ADIPOR2: variants seen among roughly 807,000 people sequenced by gnomAD.
The protein encoded by ADIPOR2 is adiponectin receptor 2, also known as adiponectin receptor protein 2.
ADIPOR2 carries 18 observed loss-of-function variants against 40.9 expected under a neutral mutation model. That is an observed-to-expected ratio of 0.44 (90% CI 0.30 to 0.65). ADIPOR2 has a LOEUF of 0.65. ADIPOR2 is among the 30% of genes least tolerant of loss of function. The pLI, the probability that ADIPOR2 is intolerant of heterozygous loss-of-function variation, is 0.09. For synonymous variants in ADIPOR2, 165 were observed against 166.4 expected (o/e 0.99, Z 0.06); for missense variants, 283 against 479.2 (o/e 0.59, Z 3.82).
chr12:1,742,022 A>G (rs2094743865), intron 1 of ADIPOR2, among the ~76,000 whole-genome samples: 2 of 152,160 alleles, frequency 1.3e-5, no homozygotes, highest in East Asian at 1.9e-4. Flanking sequence ...AAAAAAAGAC[A>G]AAATCTTATG....
At chr12:1,761,250 T>C (rs1289294803) in intron 2 of ADIPOR2, among the ~76,000 whole-genome samples, 1 of 152,184 alleles carries the variant, frequency 6.6e-6, no homozygotes, top group Non-Finnish European at 1.5e-5. Flanking sequence ...TGTACTATAG[T>C]TTATCCAATA....
In ADIPOR2 at chr12:1,691,364, C is replaced by T. The variant is rs539335300; in HGVS notation, c.-87+173C>T. 7.2e-5 allele frequency among the ~76,000 whole-genome samples: 11 copies of T among 152,296 alleles called. No individual in the cohort carries two copies. The East Asian group carries it at 7.7e-4, about 11-fold the overall frequency. The stretch of plus-strand genomic sequence containing the variant: ...CCGCAACTTGATTCCTAACTCTGAC[C>T]TGCCGCCCGGCGCGCCTTGGCCTGA... On this transcript the variant is annotated intron_variant, in intron 1 of 7. Transcript: ENST00000357103.
chr12:1,780,032 AG>A (rs1565659047), intron 4 of ADIPOR2: 1 of 154,222 alleles, frequency 6.5e-6, no homozygotes, highest in Non-Finnish European at 1.4e-5. Context: ...GGCAGGGTTT[AG>A]GGGTATTGGA....
intron 1 of ADIPOR2, among the ~76,000 whole-genome samples, chr12:1,741,425 T>C (rs1257568020): frequency 1.3e-5 from 2 of 152,174 alleles, no homozygotes; most frequent in African/African-American, 4.8e-5. Flanking sequence ...TACTAATGGA[T>C]TAAGTATGGG....
intron 1 of ADIPOR2, among the ~76,000 whole-genome samples, chr12:1,725,029 G>A (rs554054134): frequency 5.1e-4 from 78 of 152,124 alleles, no homozygotes; most frequent in African/African-American, 1.8e-3. Context: ...ATGAAAGAGG[G>A]GCTATACACA....
At position 1,787,287 on chromosome 12, in the gene ADIPOR2, G is replaced by T. The variant is rs1046672959; in HGVS notation, c.*1215G>T. ...ATTGGTAGACCCTTCCTTTGGATTA[G>T]GAAAGATGAGTTTTACCTCTGGTAC... On this transcript the variant is annotated 3_prime_UTR_variant, in exon 8 of 8. Coordinates refer to ENST00000357103, the MANE Select transcript of ADIPOR2 (RefSeq NM_024551.3). The T allele has an allele frequency of 6.6e-6, 1 of 152,168 alleles. No individual in the cohort carries two copies. Among genetic ancestry groups the T allele is most frequent in the Non-Finnish European group, 1.5e-5 (1 of 68,038 alleles). 9.4% of individuals were successfully genotyped at this position (152,168 alleles called of 1,614,324 possible).
In ADIPOR2 at chr12:1,706,307, A is replaced by G. The variant is rs117963645; in HGVS notation, c.-87+15116A>G. On this transcript the variant is annotated intron_variant, in intron 1 of 7. Transcript: ENST00000357103. Reference sequence around the variant, plus strand: ...TATAAAAGCTCACTTTATCTGGCACATGGTAACATGGTAACTTCTATTAAT... The same window carrying G: ...TATAAAAGCTCACTTTATCTGGCACGTGGTAACATGGTAACTTCTATTAAT... Among the ~76,000 whole-genome samples the G allele has an allele frequency of 1.1e-3, 164 of 152,364 alleles. 2 individuals carry two copies. The East Asian group carries it at 0.025, about 23-fold the overall frequency.
intron 2 of ADIPOR2, among the ~76,000 whole-genome samples, chr12:1,762,213 A>T (rs1022170509): frequency 6.6e-6 from 1 of 152,096 alleles, no homozygotes; most frequent in African/African-American, 2.4e-5. Flanking sequence ...ACTTCATTCT[A>T]TTTCAAGTTT....
At chr12:1,714,943 CAGAG>C (rs1004375173) in intron 1 of ADIPOR2, among the ~76,000 whole-genome samples, 1 of 151,622 alleles carries the variant, frequency 6.6e-6, no homozygotes, top group Non-Finnish European at 1.5e-5. Flanking sequence ...TGCTTTAAAT[CAGAG>C]AGAGAGAGAA....
intron 1 of ADIPOR2, among the ~76,000 whole-genome samples, chr12:1,727,453 C>G (rs2094710118): frequency 6.6e-6 from 1 of 152,168 alleles, no homozygotes; most frequent in Non-Finnish European, 1.5e-5. Flanking sequence ...TAATCATTCA[C>G]TCATTGCATG....
intron 1 of ADIPOR2, among the ~76,000 whole-genome samples, chr12:1,741,901 G>A (rs1180643756): frequency 6.6e-6 from 1 of 151,900 alleles, no homozygotes; most frequent in Admixed American, 6.6e-5. Flanking sequence ...AATAATGTTA[G>A]CTAAAGATGA....
intron 1 of ADIPOR2, among the ~76,000 whole-genome samples, chr12:1,717,900 A>T (rs758019486): frequency 6.6e-6 from 1 of 152,158 alleles, no homozygotes; most frequent in Non-Finnish European, 1.5e-5. Context: ...CAGAATAAAC[A>T]TATAATAAGT....
chr12:1,702,745 A>G (rs562959829), intron 1 of ADIPOR2: 16 of 152,276 alleles, frequency 1.1e-4, no homozygotes, highest in African/African-American at 3.6e-4. Context: ...TTAACTTTAT[A>G]TGGTTTGTTT....
intron 2 of ADIPOR2, chr12:1,757,241 C>T (rs1592615989): frequency 1.8e-6 from 1 of 556,186 alleles, no homozygotes; most frequent in Non-Finnish European, 3.3e-6. Context: ...TCACCCACTG[C>T]TCTGTTTGGT....
intron 2 of ADIPOR2, among the ~76,000 whole-genome samples, chr12:1,769,296 T>C (rs1862448848): frequency 1.3e-5 from 2 of 152,308 alleles, no homozygotes; most frequent in South Asian, 4.1e-4. Context: ...TAGCCAGTGT[T>C]TAACTCTGCC....
chr12:1,754,683 A>G (rs1422674989), intron 2 of ADIPOR2, among the ~76,000 whole-genome samples, 169 bp downstream of exon 2: 1 of 114,338 alleles, frequency 8.7e-6, no homozygotes, highest in Non-Finnish European at 1.8e-5. Flanking sequence ...GAAGTCTCTT[A>G]TCTTTATTAT....
chr12:1,728,488 C>T (rs997804078), intron 1 of ADIPOR2, among the ~76,000 whole-genome samples: 12 of 150,330 alleles, frequency 8.0e-5, no homozygotes, highest in Admixed American at 2.0e-4. Flanking sequence ...TTTGAGAGGC[C>T]GAGGTGGGTG....
intron 1 of ADIPOR2, among the ~76,000 whole-genome samples, chr12:1,732,371 G>T (rs938726557): frequency 1.3e-5 from 2 of 152,032 alleles, no homozygotes; most frequent in South Asian, 4.1e-4. Context: ...CCTTAGTTTT[G>T]TCTTTTCCAA....
At chr12:1,762,267 G>A (rs1018259141) in intron 2 of ADIPOR2, among the ~76,000 whole-genome samples, 7 of 151,860 alleles carry the variant, frequency 4.6e-5, no homozygotes, top group African/African-American at 1.5e-4. Flanking sequence ...ATTACAATGC[G>A]TATCATGACA....
Sources: allele counts gnomAD v4.1 joint callset (sites outside exome capture counted in the v4.1 genomes callset), GRCh38; gene constraint gnomAD v4.1.1; transcripts MANE v1.5; gene names NCBI Gene and HGNC (gene_info 2026-07-23, HGNC 2026-07-21).